Variants in MME observed in about 807,000 individuals in gnomAD.
MME encodes neprilysin.
In MME, 98 loss-of-function variants were observed where a neutral mutation model predicts 113.2. That is an observed-to-expected ratio of 0.87 (90% CI 0.74 to 1.02). MME has a LOEUF of 1.02. MME is among the 50% of genes least tolerant of loss of function. MME has a pLI of 0.00. For synonymous variants in MME, 292 were observed against 300.6 expected (o/e 0.97, Z 0.30); for missense variants, 836 against 896.0 (o/e 0.93, Z 0.86).
chr3:155,096,402 G>A (rs112301457), intron 3 of MME, among the ~76,000 whole-genome samples: 1 of 152,158 alleles, frequency 6.6e-6, no homozygotes, highest in Non-Finnish European at 1.5e-5. Flanking sequence ...ATATCTGTAA[G>A]GCTATCATAG....
At chr3:155,037,905 T>C (rs1440942490) in intron 1 of MME, among the ~76,000 whole-genome samples, 1 of 151,780 alleles carries the variant, frequency 6.6e-6, no homozygotes, top group Admixed American at 6.6e-5. Context: ...ATGGAGACAA[T>C]GAGTATACAC....
intron 1 of MME, among the ~76,000 whole-genome samples, chr3:155,042,916 A>ATATATATATATATATATATACG: frequency 2.1e-5 from 1 of 47,038 alleles, no homozygotes; most frequent in East Asian, 7.3e-4. Context: ...ATATATATAT[A>ATATATATATATATATATATACG]TATATATATA....
intron 3 of MME, among the ~76,000 whole-genome samples, chr3:155,106,635 C>G (rs1221548684): frequency 6.6e-6 from 1 of 152,102 alleles, no homozygotes; most frequent in Admixed American, 6.5e-5. Flanking sequence ...TTAAAAAGTT[C>G]TGACTTTCTC....
intron 1 of MME, among the ~76,000 whole-genome samples, chr3:155,026,592 C>T (rs745341882): frequency 6.0e-4 from 92 of 152,148 alleles, no homozygotes; most frequent in Non-Finnish European, 1.2e-3. Context: ...GGTGTGGTGG[C>T]GCGTGCCTTT....
intron 16 of MME, among the ~76,000 whole-genome samples, chr3:155,156,554 GA>G (rs1722319942): frequency 6.6e-6 from 1 of 152,112 alleles, no homozygotes; most frequent in South Asian, 2.1e-4. Context: ...GGTGTATTAG[GA>G]AAGAGATTAA....
At chr3:155,081,772 T>C (rs746529834) in intron 1 of MME, 1 of 152,148 alleles carries the variant, frequency 6.6e-6, no homozygotes, top group Non-Finnish European at 1.5e-5. Flanking sequence ...AAAGAAAAAT[T>C]GTGAACCTTC....
intron 1 of MME, among the ~76,000 whole-genome samples, chr3:155,036,436 A>G (rs1341343333): frequency 2.0e-5 from 3 of 152,162 alleles, no homozygotes; most frequent in African/African-American, 7.2e-5. Context: ...TTACCCAGCC[A>G]TCACAGGCTC....
intron 16 of MME, chr3:155,158,965 C>T (rs1722513404): frequency 6.6e-6 from 1 of 151,984 alleles, no homozygotes; most frequent in South Asian, 2.1e-4. Context: ...TCTTCCCCAT[C>T]TCCAAGCTTT....
At chr3:155,108,362 G>A (rs1342509420) in intron 3 of MME, among the ~76,000 whole-genome samples, 2 of 152,092 alleles carry the variant, frequency 1.3e-5, no homozygotes, top group Non-Finnish European at 2.9e-5. Flanking sequence ...TTGGGAGGCC[G>A]AGGCGGGTGG....
intron 1 of MME, among the ~76,000 whole-genome samples, chr3:155,074,425 TC>T: frequency 1.3e-5 from 2 of 151,944 alleles, no homozygotes; most frequent in East Asian, 3.9e-4. Flanking sequence ...TGTGTGTGTT[TC>T]CTTTCTTTCT....
intron 8 of MME, among the ~76,000 whole-genome samples, chr3:155,133,042 A>T (rs1720270584): frequency 2.7e-5 from 2 of 75,124 alleles, no homozygotes; most frequent in African/African-American, 5.5e-5. Flanking sequence ...CCCCGTCTAA[A>T]AAAAAAAAAA....
At chr3:155,084,932 G>A (rs1050213666) in intron 2 of MME, 127 bp from the exon 3 acceptor site, 5 of 608,074 alleles carry the variant, frequency 8.2e-6, no homozygotes, top group African/African-American at 7.5e-5. Context: ...GATATATAAT[G>A]TTCAGTTTTT....
intron 13 of MME, among the ~76,000 whole-genome samples, chr3:155,144,096 T>C (rs1406425851): frequency 6.6e-6 from 1 of 152,166 alleles, no homozygotes; most frequent in East Asian, 1.9e-4. Flanking sequence ...TCCAGTATGA[T>C]AGTGAAACCA....
chr3:155,117,279 C>T (rs1718703664), intron 7 of MME, among the ~76,000 whole-genome samples: 1 of 152,104 alleles, frequency 6.6e-6, no homozygotes, highest in Admixed American at 6.6e-5. Flanking sequence ...AGAAAAAGTT[C>T]CTAATTTCTT....
intron 3 of MME, among the ~76,000 whole-genome samples, chr3:155,095,270 A>G (rs543352059): frequency 7.2e-5 from 11 of 152,360 alleles, no homozygotes; most frequent in African/African-American, 2.6e-4. Context: ...TTTTAAAAGA[A>G]GGTACATATT....
intron 20 of MME, 114 bp from the exon 21 acceptor site, chr3:155,172,003 T>G (rs904164454): frequency 1.5e-6 from 1 of 680,956 alleles, no homozygotes; most frequent in Admixed American, 2.5e-5. Flanking sequence ...AAATGTATTA[T>G]CAGGGTGATT....
At chr3:155,039,841 C>T (rs184693538) in intron 1 of MME, among the ~76,000 whole-genome samples, 11 of 152,094 alleles carry the variant, frequency 7.2e-5, no homozygotes, top group Admixed American at 6.5e-4. Flanking sequence ...TGAAAATTAT[C>T]TATATTTATG....
intron 16 of MME, among the ~76,000 whole-genome samples, chr3:155,155,374 G>A (rs115875044): frequency 5.9e-5 from 9 of 152,278 alleles, no homozygotes; most frequent in African/African-American, 1.9e-4. Flanking sequence ...GTCATCTCTT[G>A]AAAGGACAAC....
intron 1 of MME, among the ~76,000 whole-genome samples, chr3:155,071,879 C>T (rs893523684): frequency 7.2e-5 from 11 of 152,104 alleles, no homozygotes; most frequent in Admixed American, 3.3e-4. Flanking sequence ...GAATCACTGT[C>T]GGCCGGGCGC....
Sources: gnomAD v4.1 joint callset for allele counts (sites outside exome capture counted in the v4.1 genomes callset) on GRCh38, gnomAD v4.1.1 for gene constraint, MANE v1.5 for transcripts, NCBI Gene and HGNC (gene_info 2026-07-23, HGNC 2026-07-21) for gene names.